PTDSS1: variants seen among roughly 807,000 people sequenced by gnomAD.
The protein encoded by PTDSS1 is PSS-1.
PTDSS1 carries 45 observed loss-of-function variants against 70.5 expected under a neutral mutation model. That is an observed-to-expected ratio of 0.64 (90% CI 0.50 to 0.82). PTDSS1 has a LOEUF of 0.82. PTDSS1 is among the 40% of genes least tolerant of loss of function. The probability of loss-of-function intolerance (pLI) is 0.00; values close to 1 mark genes in which losing one functional copy is unlikely to be tolerated. For synonymous variants in PTDSS1, 188 were observed against 203.8 expected (o/e 0.92, Z 0.66); for missense variants, 417 against 586.1 (o/e 0.71, Z 2.98).
intron 8 of PTDSS1, among the ~76,000 whole-genome samples, chr8:96,307,990 CTGTT>C (rs1410250222): frequency 6.6e-6 from 1 of 152,216 alleles, no homozygotes; most frequent in Non-Finnish European, 1.5e-5. Flanking sequence ...TGCCCTTACA[CTGTT>C]TGAGGCAGTT....
intron 1 of PTDSS1, among the ~76,000 whole-genome samples, chr8:96,266,384 A>T (rs150323997): frequency 1.3e-3 from 201 of 152,304 alleles, no homozygotes; most frequent in African/African-American, 4.5e-3. Flanking sequence ...TGATTGATTG[A>T]CTGATTGATT....
intron 9 of PTDSS1, among the ~76,000 whole-genome samples, chr8:96,316,048 T>A (rs919088882): frequency 9.2e-5 from 14 of 152,126 alleles, no homozygotes; most frequent in African/African-American, 3.4e-4. Context: ...ATGTCAGCCT[T>A]CTGGAAGGGT....
chr8:96,279,366 T>G (rs897406271), intron 2 of PTDSS1, among the ~76,000 whole-genome samples: 1 of 151,962 alleles, frequency 6.6e-6, no homozygotes, highest in Non-Finnish European at 1.5e-5. Context: ...TTTCTTCTTC[T>G]GTGTCATTTG....
rs1436822451 is a variant in PTDSS1 at position 96,295,157 on chromosome 8, T to G, written c.501T>G (p.Ile167Met). ...TWERIISHFD[I>M]FAFGHFWGWA... is the part of the protein sequence containing the mutation. ...AGAGGATTATCAGCCACTTTGATAT[T>G]TTTGCATTTGGACATTTCTGGGGCT... is the stretch of plus-strand genomic sequence containing the variant. Residue 167 changes from isoleucine to methionine, a missense_variant, in exon 5 of 13, where the codon ATT becomes ATG. Physicochemically the swap from Ile to Met is conservative, Grantham distance 10. Around this residue, in one of 3 missense-constraint regions of PTDSS1, gnomAD observed 272 missense variants for 429.5 expected, o/e 0.63. Coordinates refer to ENST00000517309, the MANE Select transcript of PTDSS1 (RefSeq NM_014754.3). 6.2e-6 allele frequency: 10 copies of G among 1,614,066 alleles called. No homozygotes were observed. The highest frequency in any genetic ancestry group is 8.5e-6 in the Non-Finnish European group (10 of 1,180,022).
At chr8:96,316,924 G>A (rs1000148571) in intron 9 of PTDSS1, among the ~76,000 whole-genome samples, 1 of 151,998 alleles carries the variant, frequency 6.6e-6, no homozygotes, top group Non-Finnish European at 1.5e-5. Flanking sequence ...AACCCAGGAG[G>A]TAGAGGTTGC....
In PTDSS1 at chr8:96,310,484, A is replaced by T. The variant is rs11785130; in HGVS notation, c.1073+862A>T. On this transcript the variant is annotated intron_variant, in intron 9 of 12. Transcript: ENST00000517309. ...GCCTTGGCTCTCTTTTTTTTTTTTT[A>T]AATAAATTAGGAAATCAGATGGTAT... is the stretch of plus-strand genomic sequence containing the variant. Among the ~76,000 whole-genome samples the T allele has an allele frequency of 9.4e-3, 1,404 of 148,858 alleles. 8 individuals are homozygous for T. Among genetic ancestry groups the T allele is most frequent in the African/African-American group, 0.014 (550 of 40,398 alleles).
At chr8:96,268,230 A>C (rs989404378) in intron 1 of PTDSS1, among the ~76,000 whole-genome samples, 1 of 152,194 alleles carries the variant, frequency 6.6e-6, no homozygotes, top group African/African-American at 2.4e-5. Flanking sequence ...CTTTCTATAA[A>C]ATAGATGAAT....
At chr8:96,298,207 A>AT (rs1387045568) in intron 5 of PTDSS1, among the ~76,000 whole-genome samples, 3 of 152,216 alleles carry the variant, frequency 2.0e-5, no homozygotes, top group African/African-American at 7.2e-5. Context: ...GCCACAAGCC[A>AT]TCACATGCAG....
rs1395888873 is a variant in PTDSS1 at position 96,295,162 on chromosome 8, C to T, written c.506C>T (p.Ala169Val). The T allele has an allele frequency of 1.9e-6, 3 of 1,613,964 alleles. No homozygotes were observed. Among genetic ancestry groups the T allele is most frequent in the African/African-American group, 1.3e-5 (1 of 74,926 alleles). ...ERIISHFDIF[A>V]FGHFWGWAMK... ...ATTATCAGCCACTTTGATATTTTTG[C>T]ATTTGGACATTTCTGGGGCTGGGCC... Residue 169 changes from alanine to valine, a missense_variant, in exon 5 of 13, where the codon GCA becomes GTA. Transcript: ENST00000517309.
chr8:96,273,187 C>G, intron 1 of PTDSS1, 112 bp from the exon 2 acceptor site: 2 of 675,894 alleles, frequency 3.0e-6, no homozygotes, highest in Non-Finnish European at 4.9e-6. Flanking sequence ...TATGTTCAAT[C>G]CTGTCATACA....
rs1415417345 is a variant in PTDSS1 at position 96,262,011 on chromosome 8, C to T, written c.-30C>T. The stretch of plus-strand genomic sequence containing the variant: ...CCCGGCCTTCTCGGGCTGGGGCCGC[C>T]GCCACCGCGGCAGGACGGGGAGGCG... On this transcript the variant is annotated 5_prime_UTR_variant, in exon 1 of 13. Transcript: ENST00000517309. The surrounding 1 kb of genome is among the most constrained non-coding windows in gnomAD (Gnocchi z 4.4). The T allele has an allele frequency of 3.8e-6, 6 of 1,599,344 alleles. No homozygotes were observed. The highest frequency in any genetic ancestry group is 4.3e-6 in the Non-Finnish European group (5 of 1,172,308).
At chr8:96,272,895 T>A (rs927569239) in intron 1 of PTDSS1, among the ~76,000 whole-genome samples, 3 of 152,158 alleles carry the variant, frequency 2.0e-5, no homozygotes, top group Admixed American at 1.3e-4. Flanking sequence ...GGAAATTGGA[T>A]GTTGAGCCTC....
chr8:96,276,808 A>G (rs1450030314), intron 2 of PTDSS1, among the ~76,000 whole-genome samples: 1 of 152,138 alleles, frequency 6.6e-6, no homozygotes, highest in Non-Finnish European at 1.5e-5. Context: ...TGCATCCCAC[A>G]AAGGAGGTGG....
chr8:96,295,258 TAAG>T lies in PTDSS1; in HGVS notation c.600+6_600+8del, dbSNP rs759947427. 4.3e-6 allele frequency: 7 copies of T among 1,612,492 alleles called. No homozygotes were observed. The Admixed American group carries it at 1.0e-4, about 23-fold the overall frequency. On this transcript the variant is annotated splice_donor_5th_base_variant and intron_variant, in intron 5 of 12. Transcript: ENST00000517309. ...AGTATTACCTGGGAGCTGACTGAGG[TAAG>T]AAGGAGGGCATTGGGGGTTCCCCAG...
chr8:96,265,362 G>T (rs1029469315), intron 1 of PTDSS1, among the ~76,000 whole-genome samples: 4 of 152,144 alleles, frequency 2.6e-5, no homozygotes, highest in African/African-American at 9.7e-5. Flanking sequence ...AATTACAGAG[G>T]ATTAGATACC....
At chr8:96,271,294 T>C (rs1257795315) in intron 1 of PTDSS1, among the ~76,000 whole-genome samples, 1 of 152,246 alleles carries the variant, frequency 6.6e-6, no homozygotes, top group Non-Finnish European at 1.5e-5. Context: ...AGTTGCTTAT[T>C]ATACCTACTA....
chr8:96,310,785 T>C (rs1811199392), intron 9 of PTDSS1, among the ~76,000 whole-genome samples: 2 of 152,120 alleles, frequency 1.3e-5, no homozygotes, highest in Non-Finnish European at 2.9e-5. Flanking sequence ...TTTTTTTCTT[T>C]TTGAGACGGA....
intron 1 of PTDSS1, among the ~76,000 whole-genome samples, chr8:96,263,428 CTG>C (rs1454532327): frequency 6.6e-6 from 1 of 152,198 alleles, no homozygotes; most frequent in Non-Finnish European, 1.5e-5. Flanking sequence ...TCAAAACTGG[CTG>C]TGTGTCCTTA....
intron 2 of PTDSS1, among the ~76,000 whole-genome samples, chr8:96,279,071 A>G (rs573469839): frequency 2.7e-5 from 4 of 150,910 alleles, no homozygotes; most frequent in East Asian, 2.0e-4. Context: ...CCCGGGCTCA[A>G]GCGATTCTTG....
Sources: allele counts gnomAD v4.1 joint callset (sites outside exome capture counted in the v4.1 genomes callset), GRCh38; gene constraint gnomAD v4.1.1; regional missense constraint gnomAD v4.1.1; non-coding constraint Gnocchi (gnomAD v3.1); transcripts MANE v1.5; gene names NCBI Gene and HGNC (gene_info 2026-07-23, HGNC 2026-07-21).